Variants in MAP3K20 observed in about 807,000 individuals in gnomAD.
The protein encoded by MAP3K20 is HCCS-4.
Under a neutral mutation model 85.7 loss-of-function variants are expected in MAP3K20, and 40 were observed. The ratio of observed to expected loss-of-function variants is 0.47; its 90% CI spans 0.36 to 0.61. MAP3K20 has a LOEUF of 0.61. Ranked by LOEUF, MAP3K20 falls within the 20% of genes least tolerant of loss-of-function variation. MAP3K20 has a pLI of 0.00. For synonymous variants in MAP3K20, 325 were observed against 327.7 expected, an observed-to-expected ratio of 0.99 and a Z score of 0.09; for missense variants, 817 against 961.7, an observed-to-expected ratio of 0.85 and a Z score of 1.99.
intron 2 of MAP3K20, among the ~76,000 whole-genome samples, chr2:173,122,571 T>A (rs762373067): frequency 6.6e-6 from 1 of 152,116 alleles, no homozygotes; most frequent in Non-Finnish European, 1.5e-5. Context: ...CTTCAAAGGG[T>A]TATGGGACAA....
At chr2:173,129,693 T>G (rs1471866834) in intron 2 of MAP3K20, among the ~76,000 whole-genome samples, 1 of 152,226 alleles carries the variant, frequency 6.6e-6, no homozygotes, top group East Asian at 1.9e-4. Flanking sequence ...AGTGCTTTCA[T>G]TAAGCGATAT....
intron 16 of MAP3K20, among the ~76,000 whole-genome samples, chr2:173,253,790 A>G (rs1685094769): frequency 6.6e-6 from 1 of 152,180 alleles, no homozygotes; most frequent in African/African-American, 2.4e-5. Flanking sequence ...TACCTGGGCC[A>G]GGTGCAGTTG....
chr2:173,197,169 T>C (rs529661911), intron 7 of MAP3K20, among the ~76,000 whole-genome samples: 1 of 152,300 alleles, frequency 6.6e-6, no homozygotes, highest in Admixed American at 6.5e-5. Context: ...GACTCACATT[T>C]TTGAACTCCA....
At chr2:173,200,326 AG>A (rs1691006821) in intron 8 of MAP3K20, among the ~76,000 whole-genome samples, 1 of 152,238 alleles carries the variant, frequency 6.6e-6, no homozygotes. Context: ...ATAATTCACA[AG>A]GGTTTATTTC....
At chr2:173,087,294 G>A (rs540071909) in intron 1 of MAP3K20, among the ~76,000 whole-genome samples, 1 of 152,334 alleles carries the variant, frequency 6.6e-6, no homozygotes, top group South Asian at 2.1e-4. Flanking sequence ...CAAAGAGGTG[G>A]TCAGGGATAG....
At chr2:173,236,354 A>G (rs112139510) in intron 14 of MAP3K20, among the ~76,000 whole-genome samples, 1,823 of 151,578 alleles carry the variant, frequency 0.012, 24 homozygotes, top group South Asian at 0.043. Context: ...AGAGAGAAAA[A>G]GCCCTGTTGG....
At chr2:173,191,211 G>A (rs1334001286) in intron 7 of MAP3K20, 34 bp downstream of exon 7, 1 of 1,606,648 alleles carries the variant, frequency 6.2e-7, no homozygotes. Flanking sequence ...TTTACTAAGG[G>A]AAATACAAAA....
At chr2:173,242,699 CTTTTTTTTT>C (rs68173816) in intron 16 of MAP3K20, among the ~76,000 whole-genome samples, 1 of 80,976 alleles carries the variant, frequency 1.2e-5, no homozygotes, top group Non-Finnish European at 2.2e-5. Flanking sequence ...AGTAATCTTT[CTTTTTTTTT>C]TTTTTTTTTT....
intron 7 of MAP3K20, among the ~76,000 whole-genome samples, chr2:173,195,296 C>G (rs1315594151): frequency 6.6e-6 from 1 of 151,516 alleles, no homozygotes; most frequent in Non-Finnish European, 1.5e-5. Flanking sequence ...GCTTAAGAGA[C>G]AGCATGGCTG....
At chr2:173,156,593 C>A (rs1689479375) in intron 2 of MAP3K20, among the ~76,000 whole-genome samples, 1 of 152,144 alleles carries the variant, frequency 6.6e-6, no homozygotes, top group Non-Finnish European at 1.5e-5. Context: ...GACCGTGCAA[C>A]CTAGATCCCT....
intron 10 of MAP3K20, among the ~76,000 whole-genome samples, chr2:173,215,304 A>C (rs1684038637): frequency 6.6e-6 from 1 of 152,088 alleles, no homozygotes; most frequent in Non-Finnish European, 1.5e-5. Context: ...CTGCCTTCTG[A>C]CCGCCTCACT....
chr2:173,219,783 T>C (rs1214736232), intron 11 of MAP3K20, among the ~76,000 whole-genome samples: 5 of 152,000 alleles, frequency 3.3e-5, no homozygotes, highest in Non-Finnish European at 7.4e-5. Context: ...AATTAGGAAA[T>C]TGAGGCCAGG....
intron 1 of MAP3K20, among the ~76,000 whole-genome samples, chr2:173,084,608 T>C (rs1452329044): frequency 1.3e-5 from 2 of 152,054 alleles, no homozygotes; most frequent in Admixed American, 1.3e-4. Flanking sequence ...GATTCAGGGA[T>C]CAATAGCACC....
At chr2:173,096,344 C>T (rs372326135) in intron 2 of MAP3K20, among the ~76,000 whole-genome samples, 1 of 144,612 alleles carries the variant, frequency 6.9e-6, no homozygotes. Context: ...TTCTTTTTTC[C>T]TTTTTTTTTT....
At chr2:173,203,955 A>T in intron 9 of MAP3K20, 85 bp downstream of exon 9, 1 of 1,283,262 alleles carries the variant, frequency 7.8e-7, no homozygotes, top group South Asian at 1.2e-5. Flanking sequence ...GGGTAATAAA[A>T]TTCATTACAA....
At chr2:173,128,066 T>C (rs189127704) in intron 2 of MAP3K20, among the ~76,000 whole-genome samples, 15 of 152,212 alleles carry the variant, frequency 9.9e-5, no homozygotes, top group Admixed American at 6.5e-4. Flanking sequence ...CTCATACCAG[T>C]TGAAGCCTTT....
At chr2:173,261,192 T>C in intron 18 of MAP3K20, 55 bp downstream of exon 18, 2 of 1,562,770 alleles carry the variant, frequency 1.3e-6, no homozygotes, top group Non-Finnish European at 1.8e-6. Context: ...TGAATATAAA[T>C]TTATCTGTTA....
At chr2:173,190,981 CTG>C in intron 6 of MAP3K20, 57 bp from the exon 7 acceptor site, 1 of 1,607,500 alleles carries the variant, frequency 6.2e-7, no homozygotes, top group Non-Finnish European at 8.5e-7. Flanking sequence ...ATTTTTGTAA[CTG>C]ATAATCCCTT....
chr2:173,129,148 C>G (rs1420972162), intron 2 of MAP3K20, among the ~76,000 whole-genome samples: 1 of 152,000 alleles, frequency 6.6e-6, no homozygotes, highest in African/African-American at 2.4e-5. Flanking sequence ...AGGATGGTCT[C>G]AATCTCGTGA....
Sources: gnomAD v4.1 joint callset for allele counts (sites outside exome capture counted in the v4.1 genomes callset) on GRCh38, gnomAD v4.1.1 for gene constraint, MANE v1.5 for transcripts, NCBI Gene and HGNC (gene_info 2026-07-23, HGNC 2026-07-21) for gene names.